Variants in CDH13 observed in about 807,000 individuals in gnomAD.
CDH13 encodes the protein cadherin-13.
In CDH13, 24 loss-of-function variants were observed where a neutral mutation model predicts 63.8. The observed-to-expected ratio is 0.38, with a 90% CI of 0.27 to 0.53. The LOEUF is 0.53. CDH13 is among the 20% of genes least tolerant of loss of function. The pLI is 0.85. For missense variants in CDH13, 1,049 were observed against 903.1 expected, an observed-to-expected ratio of 1.16 and a Z score of -2.07; for synonymous variants, 503 against 355.3, an observed-to-expected ratio of 1.42 and a Z score of -4.67.
intron 5 of CDH13, among the ~76,000 whole-genome samples, chr16:83,326,465 T>C (rs976811528): frequency 6.6e-6 from 1 of 151,506 alleles, no homozygotes; most frequent in African/African-American, 2.4e-5. Flanking sequence ...AGAATATTCC[T>C]CTGAACTCTA....
chr16:82,784,477 G>A (rs948477426), intron 1 of CDH13, among the ~76,000 whole-genome samples: 1 of 152,138 alleles, frequency 6.6e-6, no homozygotes, highest in Non-Finnish European at 1.5e-5. Flanking sequence ...TGCTTTCAGG[G>A]TTTATCCTTG....
At chr16:83,328,698 T>C (rs981838996) in intron 5 of CDH13, among the ~76,000 whole-genome samples, 2 of 152,142 alleles carry the variant, frequency 1.3e-5, no homozygotes, top group African/African-American at 2.4e-5. Context: ...AAGCAGCTGA[T>C]GGAGTGGATG....
chr16:82,665,258 C>A (rs181617590), intron 1 of CDH13, among the ~76,000 whole-genome samples: 24 of 152,276 alleles, frequency 1.6e-4, no homozygotes. Context: ...TCTAGTGTCT[C>A]TAAGTGCAAG....
intron 10 of CDH13, among the ~76,000 whole-genome samples, chr16:83,737,721 C>G (rs952449720): frequency 6.6e-6 from 1 of 152,184 alleles, no homozygotes; most frequent in African/African-American, 2.4e-5. Context: ...ATATCATCAA[C>G]AGCCCTGATC....
chr16:83,431,132 A>C lies in CDH13; in HGVS notation c.782-55345A>C, dbSNP rs556300483. ...GATTTCCAGTTTCATCCATGTCCCT[A>C]CAAAGGACGTGAACTCATCATTTTT... On this transcript the variant is annotated intron_variant, in intron 6 of 13. Coordinates refer to ENST00000567109, the MANE Select transcript of CDH13 (RefSeq NM_001257.5). 6.4e-3 allele frequency among the ~76,000 whole-genome samples: 968 copies of C among 151,934 alleles called. 7 individuals are homozygous for C. The highest frequency in any genetic ancestry group is 8.8e-3 in the Non-Finnish European group (599 of 67,968).
intron 4 of CDH13, among the ~76,000 whole-genome samples, chr16:83,147,510 C>T (rs145892432): frequency 5.9e-5 from 9 of 152,314 alleles, no homozygotes; most frequent in African/African-American, 2.2e-4. Flanking sequence ...GCAGCCACAG[C>T]CCCTGCCACT....
chr16:82,830,560 T>C (rs2038490732), intron 1 of CDH13, among the ~76,000 whole-genome samples: 1 of 152,212 alleles, frequency 6.6e-6, no homozygotes, highest in Non-Finnish European at 1.5e-5. Context: ...TGGGAGCGCT[T>C]AGAAGATGTA....
intron 5 of CDH13, among the ~76,000 whole-genome samples, chr16:83,325,878 A>T (rs749941939): frequency 6.6e-6 from 1 of 152,216 alleles, no homozygotes; most frequent in South Asian, 2.1e-4. Context: ...TGTTAAATTA[A>T]TTGAATATGG....
chr16:83,769,719 G>A (rs890023703), intron 11 of CDH13, among the ~76,000 whole-genome samples: 1 of 152,168 alleles, frequency 6.6e-6, no homozygotes, highest in South Asian at 2.1e-4. Flanking sequence ...AGAAGTGGGA[G>A]TTCCGTGGAG....
chr16:83,789,353 CTGTTT>C, intron 13 of CDH13, among the ~76,000 whole-genome samples: 1 of 139,746 alleles, frequency 7.2e-6, no homozygotes, highest in South Asian at 2.2e-4. Flanking sequence ...TTTTGTTTGT[CTGTTT>C]TGTTTTAAGA....
At chr16:83,215,380 A>C (rs2039467049) in intron 4 of CDH13, among the ~76,000 whole-genome samples, 1 of 151,956 alleles carries the variant, frequency 6.6e-6, no homozygotes, top group African/African-American at 2.4e-5. Context: ...CGCCCGGCCC[A>C]CATAGTTTAT....
chr16:83,221,668 C>T (rs1485075641), intron 5 of CDH13, among the ~76,000 whole-genome samples: 3 of 133,372 alleles, frequency 2.2e-5, no homozygotes, highest in East Asian at 4.3e-4. Context: ...GGTGGGGGGG[C>T]GGTTGGGATG....
At chr16:82,871,454 A>T (rs2040338657) in intron 2 of CDH13, among the ~76,000 whole-genome samples, 1 of 152,130 alleles carries the variant, frequency 6.6e-6, no homozygotes, top group Non-Finnish European at 1.5e-5. Flanking sequence ...AAATAAGTGA[A>T]AGGAGAGCCC....
chr16:83,253,077 T>G (rs1365454999), intron 5 of CDH13, among the ~76,000 whole-genome samples: 1 of 152,178 alleles, frequency 6.6e-6, no homozygotes, highest in Admixed American at 6.5e-5. Context: ...CAATAAATAG[T>G]GGAGATTGTA....
At chr16:82,781,376 T>TG (rs985556209) in intron 1 of CDH13, among the ~76,000 whole-genome samples, 82 of 152,284 alleles carry the variant, frequency 5.4e-4, no homozygotes, top group African/African-American at 1.9e-3. Flanking sequence ...TACAAGGGCT[T>TG]GGTATTTGAA....
At chr16:83,154,381 C>G (rs1485280270) in intron 4 of CDH13, among the ~76,000 whole-genome samples, 1 of 151,848 alleles carries the variant, frequency 6.6e-6, no homozygotes, top group Non-Finnish European at 1.5e-5. Flanking sequence ...ATGGTGAAAC[C>G]CTGTCTCTAC....
intron 1 of CDH13, among the ~76,000 whole-genome samples, chr16:82,753,012 G>T (rs2034478647): frequency 6.6e-6 from 1 of 152,178 alleles, no homozygotes; most frequent in Admixed American, 6.5e-5. Flanking sequence ...CATTGCCTTT[G>T]CTTTTAAGAT....
At chr16:83,697,398 G>A (rs147531131) in intron 10 of CDH13, among the ~76,000 whole-genome samples, 9 of 152,312 alleles carry the variant, frequency 5.9e-5, no homozygotes, top group East Asian at 1.9e-4. Flanking sequence ...AGCACAGTGC[G>A]GAAGTGCTGT....
chr16:83,266,186 C>T (rs1287053260), intron 5 of CDH13, among the ~76,000 whole-genome samples: 1 of 152,114 alleles, frequency 6.6e-6, no homozygotes. Flanking sequence ...GATCAACCCA[C>T]CTCAGCCTCC....
Sources: allele counts gnomAD v4.1 joint callset (sites outside exome capture counted in the v4.1 genomes callset), GRCh38; gene constraint gnomAD v4.1.1; transcripts MANE v1.5; gene names NCBI Gene and HGNC (gene_info 2026-07-23, HGNC 2026-07-21).